The following NEK1 variants were observed in gnomAD, a reference collection of about 807,000 sequenced individuals.
The protein encoded by NEK1 is NIMA related kinase 1.
In NEK1, 137 loss-of-function variants were observed where a neutral mutation model predicts 182.1. The ratio of observed to expected loss-of-function variants is 0.75; its 90% CI spans 0.65 to 0.87. The LOEUF is 0.87. NEK1 is among the 40% of genes least tolerant of loss of function. The pLI is 0.00. For missense variants in NEK1, 1,391 were observed against 1,494.4 expected (o/e 0.93, Z 1.14); for synonymous variants, 513 against 492.2 (o/e 1.04, Z -0.56).
intron 11 of NEK1, among the ~76,000 whole-genome samples, chr4:169,579,234 T>C (rs1390000362): frequency 2.0e-5 from 3 of 152,212 alleles, no homozygotes; most frequent in African/African-American, 4.8e-5. Context: ...CTACTCCTAT[T>C]AAGCATTTCA....
chr4:169,569,035 C>T (rs1339028756), intron 12 of NEK1, among the ~76,000 whole-genome samples: 5 of 151,652 alleles, frequency 3.3e-5, no homozygotes, highest in East Asian at 1.9e-4. Context: ...ATATGTTTTA[C>T]GCTTTTATTA....
At position 169,475,996 on chromosome 4, in the gene NEK1, A is replaced by G. The variant is rs1480549049; in HGVS notation, c.2434+1128T>C. 4.6e-5 allele frequency among the ~76,000 whole-genome samples: 7 copies of G among 152,266 alleles called. No homozygotes were observed. In the South Asian group the frequency reaches 8.3e-4, roughly 18 times the overall value. On this transcript the variant is annotated intron_variant, in intron 26 of 35. Transcript: ENST00000507142. ...AACTGGAGTCCCTAAAGGACAGAAG[A>G]AGGAGGAGGCATGGAAAAAATATTA...
intron 19 of NEK1, among the ~76,000 whole-genome samples, chr4:169,534,084 C>A (rs1281272957): frequency 6.6e-6 from 1 of 152,184 alleles, no homozygotes; most frequent in Non-Finnish European, 1.5e-5. Context: ...AAAGCAGAAC[C>A]TTTAAAGTTC....
intron 31 of NEK1, among the ~76,000 whole-genome samples, chr4:169,418,174 C>A (rs1403673479): frequency 6.6e-6 from 1 of 152,096 alleles, no homozygotes; most frequent in Non-Finnish European, 1.5e-5. Context: ...AGTGGAGGCC[C>A]TAGAGGGTCA....
chr4:169,454,058 T>C (rs1007662976), intron 27 of NEK1, among the ~76,000 whole-genome samples: 3 of 152,070 alleles, frequency 2.0e-5, no homozygotes, highest in African/African-American at 7.2e-5. Flanking sequence ...TTAACAAACC[T>C]GACAAAAACG....
intron 18 of NEK1, among the ~76,000 whole-genome samples, chr4:169,541,757 C>T (rs1383860749): frequency 6.6e-6 from 1 of 152,088 alleles, no homozygotes; most frequent in Non-Finnish European, 1.5e-5. Context: ...TTAACTAGTC[C>T]AAGTTTTCAT....
intron 29 of NEK1, among the ~76,000 whole-genome samples, chr4:169,431,341 A>G (rs1737393686): frequency 6.6e-6 from 1 of 152,198 alleles, no homozygotes; most frequent in South Asian, 2.1e-4. Flanking sequence ...ATCACTTGAA[A>G]TATAAAATGA....
chr4:169,561,625 A>C, intron 15 of NEK1, 62 bp downstream of exon 15: 1 of 1,585,840 alleles, frequency 6.3e-7, no homozygotes, highest in South Asian at 1.1e-5. Flanking sequence ...TACATTTAGC[A>C]ATAAACTGAA....
Position 169,562,138 on chromosome 4 carries a change from T to C in NEK1, c.1079A>G (p.Glu360Gly). ...ATAACCAGACAGATGTCTTTATACC[T>C]CAGATATTTTCCTCCTTTCTTCTCC... is the stretch of plus-strand genomic sequence containing the variant. ...NTGEERRKIS[E>G]EAARKRRLEF... Residue 360 changes from glutamate (E) to glycine (G), a missense_variant and splice_region_variant, in exon 13 of 36, where the codon GAG (glutamate) becomes GGG (glycine). This residue lies in a region of NEK1 where 1,216 missense variants were observed against 1,277.6 expected (regional missense o/e 0.95). Coordinates refer to ENST00000507142, the MANE Select transcript of NEK1 (RefSeq NM_001199397.3). The C allele has an allele frequency of 1.3e-6, 2 of 1,532,546 alleles. No individual in the cohort carries two copies. Among genetic ancestry groups the C allele is most frequent in the Non-Finnish European group, 1.8e-6 (2 of 1,132,606 alleles). The allele number at this position is 1,532,546 out of a possible 1,614,324, so 94.9% of individuals were successfully genotyped here.
chr4:169,599,635 C>G (rs1213719395), intron 4 of NEK1, among the ~76,000 whole-genome samples: 2 of 152,226 alleles, frequency 1.3e-5, no homozygotes, highest in South Asian at 4.1e-4. Context: ...TAATCACTTA[C>G]TTATTAAATA....
chr4:169,455,775 G>T, intron 27 of NEK1, among the ~76,000 whole-genome samples: 1 of 151,940 alleles, frequency 6.6e-6, no homozygotes, highest in Non-Finnish European at 1.5e-5. Flanking sequence ...ACTGCCTAGG[G>T]GTCATCACAG....
chr4:169,414,734 T>C (rs1015467788), intron 31 of NEK1, among the ~76,000 whole-genome samples: 1 of 152,180 alleles, frequency 6.6e-6, no homozygotes, highest in African/African-American at 2.4e-5. Context: ...CCTTTAGCTG[T>C]GAGGTGTAAG....
At chr4:169,437,579 T>G (rs1738652078) in intron 28 of NEK1, among the ~76,000 whole-genome samples, 1 of 152,192 alleles carries the variant, frequency 6.6e-6, no homozygotes, top group Non-Finnish European at 1.5e-5. Context: ...GATCAGCTTT[T>G]AAGAGTACAA....
At chr4:169,534,738 A>G (rs574980829) in intron 19 of NEK1, among the ~76,000 whole-genome samples, 20 of 152,320 alleles carry the variant, frequency 1.3e-4, no homozygotes, top group Admixed American at 7.2e-4. Flanking sequence ...GACTCAAACT[A>G]TTTCCAAGTA....
At chr4:169,499,596 C>A (rs1183790987) in intron 23 of NEK1, among the ~76,000 whole-genome samples, 1 of 151,966 alleles carries the variant, frequency 6.6e-6, no homozygotes, top group Non-Finnish European at 1.5e-5. Flanking sequence ...GGTGTTCTTT[C>A]TGTTTGTTAG....
chr4:169,592,964 A>G (rs1205914616), intron 5 of NEK1, among the ~76,000 whole-genome samples: 1 of 151,416 alleles, frequency 6.6e-6, no homozygotes, highest in East Asian at 1.9e-4. Flanking sequence ...AAATTATGTT[A>G]AGTTGAGTAT....
chr4:169,480,510 TAAAAAAAAA>T (rs58933123), intron 23 of NEK1, among the ~76,000 whole-genome samples: 2 of 100,272 alleles, frequency 2.0e-5, no homozygotes, highest in Non-Finnish European at 4.3e-5. Flanking sequence ...ACCTCATTCC[TAAAAAAAAA>T]AAAAAAAAAA....
At position 169,535,644 on chromosome 4, in the gene NEK1, C is replaced by T. The variant is rs1284836249; in HGVS notation, c.1665+2165G>A. Reference sequence around the variant, plus strand: ...CTGTAATCCCAGCACTTTGGGAGGCCGAGGCAGATGGATCATCTGAGGTCA... The same window carrying T: ...CTGTAATCCCAGCACTTTGGGAGGCTGAGGCAGATGGATCATCTGAGGTCA... On this transcript the variant is annotated intron_variant, in intron 19 of 35. Coordinates refer to ENST00000507142, the MANE Select transcript of NEK1 (RefSeq NM_001199397.3). Among the ~76,000 whole-genome samples, 4 of 151,604 alleles carry T rather than the reference C, an allele frequency of 2.6e-5. No individual in the cohort carries two copies. The East Asian group carries it at 5.9e-4, about 22-fold the overall frequency.
intron 19 of NEK1, among the ~76,000 whole-genome samples, chr4:169,533,373 G>C (rs1394723730): frequency 6.6e-6 from 1 of 152,090 alleles, no homozygotes; most frequent in African/African-American, 2.4e-5. Context: ...CCAAACAAAG[G>C]CAATGAACAG....
Sources: allele counts gnomAD v4.1 joint callset (sites outside exome capture counted in the v4.1 genomes callset), GRCh38; gene constraint gnomAD v4.1.1; regional missense constraint gnomAD v4.1.1; transcripts MANE v1.5; gene names NCBI Gene and HGNC (gene_info 2026-07-23, HGNC 2026-07-21).